The following CAPN7 variants were observed in gnomAD, a reference collection of about 807,000 sequenced individuals.
CAPN7 encodes calpain-7.
In CAPN7, 72 loss-of-function variants were observed where a neutral mutation model predicts 115.2. The observed-to-expected ratio is 0.63, with a 90% CI of 0.52 to 0.76. The LOEUF (loss-of-function observed/expected upper bound fraction) is 0.76, where lower values mean the gene tolerates loss of function less well. CAPN7 is among the 30% of genes least tolerant of loss of function. The pLI, the probability that CAPN7 is intolerant of heterozygous loss-of-function variation, is 0.00. For missense variants in CAPN7, 905 were observed against 971.5 expected, an observed-to-expected ratio of 0.93 and a Z score of 0.91; for synonymous variants, 344 against 322.3, an observed-to-expected ratio of 1.07 and a Z score of -0.72.
Position 15,238,108 on chromosome 3 carries a change from C to CTTTTT in CAPN7, c.1408-2344_1408-2340dup, listed in dbSNP as rs34203410. ...TGAAGTGTTTATTTAATTCTGACTT[C>CTTTTT]TTTTTTTTTTTTTTTTTTTTTTTTT... On this transcript the variant is annotated intron_variant, in intron 12 of 20. Transcript: ENST00000253693. 5.0e-3 allele frequency among the ~76,000 whole-genome samples: 294 copies of CTTTTT among 58,218 alleles called. 15 individuals are homozygous for CTTTTT. The highest frequency in any genetic ancestry group is 8.5e-3 in the East Asian group (14 of 1,642). 38.2% of individuals were successfully genotyped at this position (58,218 alleles called of 152,430 possible). A position where few individuals can be genotyped will look rare whatever the true frequency, so the allele number is the denominator to read the frequency against.
In CAPN7 at chr3:15,217,499, C is replaced by G; in HGVS notation, c.286C>G (p.Gln96Glu). The G allele has an allele frequency of 6.2e-7, 1 of 1,613,718 alleles. No homozygotes were observed. The highest frequency in any genetic ancestry group is 8.5e-7 in the Non-Finnish European group (1 of 1,179,802). ...AGAGCGTGCTCATTTCCTTGTTACA[C>G]AAGCTTTTGATGAAGATGAAAAAGA... ...DLERAHFLVT[Q>E]AFDEDEKENV... The change falls in exon 3 of 21, where the codon CAA becomes GAA. Residue 96 changes from glutamine to glutamate, a missense_variant. Gln to Glu is a conservative substitution (Grantham distance 29, BLOSUM62 2). Coordinates refer to ENST00000253693, the MANE Select transcript of CAPN7 (RefSeq NM_014296.3).
At chr3:15,229,760 TATAAC>T (rs900245297) in intron 8 of CAPN7, among the ~76,000 whole-genome samples, 16 of 152,002 alleles carry the variant, frequency 1.1e-4, no homozygotes, top group Admixed American at 9.2e-4. Context: ...TACTGGGAAA[TATAAC>T]ATATTTCTGT....
rs1049356454 is a variant in CAPN7, at chr3:15,232,673, A to G, written c.1179+8A>G. ...TTTCCAGGATCCAACTCCGTAAGTA[A>G]TAGATAAGACGATCCAGACACAGAT... On this transcript the variant is annotated splice_region_variant and intron_variant, in intron 10 of 20. Transcript: ENST00000253693. 1 of 1,599,784 alleles carries G rather than the reference A, an allele frequency of 6.3e-7. No individual in the cohort carries two copies. Among genetic ancestry groups the G allele is most frequent in the Non-Finnish European group, 8.5e-7 (1 of 1,174,756 alleles).
At chr3:15,218,811 A>T (rs545290178) in intron 4 of CAPN7, among the ~76,000 whole-genome samples, 8 of 152,354 alleles carry the variant, frequency 5.3e-5, no homozygotes, top group Non-Finnish European at 1.2e-4. Context: ...CCTTTCTGTT[A>T]TGTAATATCA....
At position 15,228,961 on chromosome 3, in the gene CAPN7, T is replaced by G; in HGVS notation, c.853-13T>G. ...TGAATGAATATGAATATGTTAATTATTCTTATTAACAGACAATAGTATCGG... is the reference window on the plus strand; with the variant it reads ...TGAATGAATATGAATATGTTAATTAGTCTTATTAACAGACAATAGTATCGG... On this transcript the variant is annotated splice_polypyrimidine_tract_variant and intron_variant, in intron 7 of 20. Transcript: ENST00000253693. 1 of 1,576,308 alleles carries G rather than the reference T, an allele frequency of 6.3e-7. No homozygotes were observed. Among genetic ancestry groups the G allele is most frequent in the South Asian group, 1.1e-5 (1 of 89,254 alleles).
Position 15,206,433 on chromosome 3 carries a change from G to A in CAPN7, c.-63G>A. 1.5e-6 allele frequency: 2 copies of A among 1,305,012 alleles called. No individual in the cohort carries two copies. Among genetic ancestry groups the A allele is most frequent in the Non-Finnish European group, 2.1e-6 (2 of 941,446 alleles). 80.8% of individuals were successfully genotyped at this position (1,305,012 alleles called of 1,614,324 possible). A position where few individuals can be genotyped will look rare whatever the true frequency, so the allele number is the denominator to read the frequency against. ...TCCTCGCCGCCGCCGGGCCGCCGCA[G>A]TCCGCGAAGAGCCGTCCTGCGTCAG... On this transcript the variant is annotated 5_prime_UTR_variant, in exon 1 of 21. Transcript: ENST00000253693.
intron 5 of CAPN7, among the ~76,000 whole-genome samples, chr3:15,221,778 T>C (rs971147903): frequency 6.6e-6 from 1 of 151,974 alleles, no homozygotes; most frequent in African/African-American, 2.4e-5. Flanking sequence ...GAGACCAGCC[T>C]GGGCAACATG....
chr3:15,215,513 CT>C lies in CAPN7; in HGVS notation c.212-1911del, dbSNP rs368289744. On this transcript the variant is annotated intron_variant, in intron 2 of 20. Coordinates refer to ENST00000253693, the MANE Select transcript of CAPN7 (RefSeq NM_014296.3). ...AGTCAATCCCCATTCCTCCCTCCCC[CT>C]AGCCACCACTAATCTTGTTGTTTCT... Among the ~76,000 whole-genome samples the C allele has an allele frequency of 1.9e-3, 289 of 152,330 alleles. 2 individuals carry two copies. Among genetic ancestry groups the C allele is most frequent in the African/African-American group, 6.7e-3 (277 of 41,570 alleles).
chr3:15,215,244 G>A (rs1184065505), intron 2 of CAPN7, among the ~76,000 whole-genome samples: 2 of 152,076 alleles, frequency 1.3e-5, no homozygotes, highest in Non-Finnish European at 2.9e-5. Context: ...GCCAGCCTGG[G>A]CAACCTAGTG....
chr3:15,208,099 A>G (rs2044731152), intron 1 of CAPN7, among the ~76,000 whole-genome samples: 1 of 151,346 alleles, frequency 6.6e-6, no homozygotes, highest in African/African-American at 2.4e-5. Context: ...GAATTTTTCA[A>G]CTCCATTATA....
In CAPN7 at chr3:15,251,340, A is replaced by G; in HGVS notation, c.*80A>G. ...TAAGGACGCAAATCTTCAGGACAGTAAGCAGAACAATCAGAATGGAATTAA... is the reference window on the plus strand; with the variant it reads ...TAAGGACGCAAATCTTCAGGACAGTGAGCAGAACAATCAGAATGGAATTAA... On this transcript the variant is annotated 3_prime_UTR_variant, in exon 21 of 21. Transcript: ENST00000253693. 1 of 1,152,088 alleles carries G rather than the reference A, an allele frequency of 8.7e-7. No homozygotes were observed. The highest frequency in any genetic ancestry group is 1.2e-6 in the Non-Finnish European group (1 of 807,714). The allele number at this position is 1,152,088 out of a possible 1,614,324, so 71.4% of individuals were successfully genotyped here.
rs903010912 is a variant in CAPN7, at chr3:15,232,756, T to C, written c.1179+91T>C. ...AAAAATTCTAGATAGTCTTTTTGTT[T>C]ATAGGGAAAGAGAGCAGATTATCAA... On this transcript the variant is annotated intron_variant, in intron 10 of 20. Coordinates refer to ENST00000253693, the MANE Select transcript of CAPN7 (RefSeq NM_014296.3). The C allele has an allele frequency of 2.6e-6, 3 of 1,141,154 alleles. No individual in the cohort carries two copies. The South Asian group carries it at 5.4e-5, about 21-fold the overall frequency. 70.7% of individuals were successfully genotyped at this position (1,141,154 alleles called of 1,614,324 possible).
At chr3:15,227,731 A>G in intron 6 of CAPN7, 108 bp from the exon 7 acceptor site, 1 of 560,460 alleles carries the variant, frequency 1.8e-6, no homozygotes, top group Non-Finnish European at 2.9e-6. Flanking sequence ...ATAATACAGT[A>G]CTGCTATAAT....
chr3:15,211,633 G>T (rs760670902), intron 1 of CAPN7, among the ~76,000 whole-genome samples: 28 of 151,434 alleles, frequency 1.8e-4, no homozygotes, highest in Non-Finnish European at 3.5e-4. Context: ...GGTGGCTCAT[G>T]CCTGTAATCC....
At chr3:15,214,234 TTTG>T (rs2045117798) in intron 2 of CAPN7, among the ~76,000 whole-genome samples, 1 of 152,204 alleles carries the variant, frequency 6.6e-6, no homozygotes. Context: ...TCTTTCTGCT[TTTG>T]TTGAAGAAAT....
At chr3:15,206,645 G>T (rs1007325976) in intron 1 of CAPN7, 48 bp downstream of exon 1, 2 of 1,379,466 alleles carry the variant, frequency 1.4e-6, no homozygotes, top group South Asian at 1.3e-5. Flanking sequence ...GTCGGAGTGC[G>T]GCCCGGGCCT....
In CAPN7 at chr3:15,233,971, A is replaced by G. The variant is rs1260787039; in HGVS notation, c.1284A>G (p.Gln428=). The G allele has an allele frequency of 1.3e-6, 2 of 1,502,448 alleles. No individual in the cohort carries two copies. Among genetic ancestry groups the G allele is most frequent in the Admixed American group, 1.7e-5 (1 of 57,304 alleles). The allele number at this position is 1,502,448 out of a possible 1,614,324, so 93.1% of individuals were successfully genotyped here. Residue 428 remains glutamine, a splice_region_variant and synonymous_variant, in exon 11 of 21, where the codon CAA becomes CAG. Coordinates refer to ENST00000253693, the MANE Select transcript of CAPN7 (RefSeq NM_014296.3). ...ATAATTCTTTCAGAATGCTTTATCAAAGGTAAACATTTTTCTTTGTTTTAT... is the reference window on the plus strand; with the variant it reads ...ATAATTCTTTCAGAATGCTTTATCAGAGGTAAACATTTTTCTTTGTTTTAT... The part of the protein sequence containing the change: ...SKDNSFRMLY[Q]RFHKGDVLIT...
chr3:15,247,561 TTTA>T, intron 19 of CAPN7, 104 bp downstream of exon 19: 2 of 822,136 alleles, frequency 2.4e-6, no homozygotes, highest in South Asian at 4.8e-5. Context: ...GGACATTGGA[TTTA>T]TAACAATGGC....
At chr3:15,238,009 C>T (rs1413284808) in intron 12 of CAPN7, among the ~76,000 whole-genome samples, 1 of 146,538 alleles carries the variant, frequency 6.8e-6, no homozygotes. Context: ...CTCCAGTACT[C>T]TTTTATTGGG....
Sources: allele counts gnomAD v4.1 joint callset (sites outside exome capture counted in the v4.1 genomes callset), GRCh38; gene constraint gnomAD v4.1.1; transcripts MANE v1.5; gene names NCBI Gene and HGNC (gene_info 2026-07-23, HGNC 2026-07-21).